Variants in ZDHHC14 observed in about 807,000 individuals in gnomAD.
ZDHHC14 encodes the protein palmitoyltransferase ZDHHC14.
ZDHHC14 carries 16 observed loss-of-function variants against 47.7 expected under a neutral mutation model. That is an observed-to-expected ratio of 0.34 (90% confidence interval 0.23 to 0.51). The LOEUF (loss-of-function observed/expected upper bound fraction) is 0.51. ZDHHC14 is among the 20% of genes least tolerant of loss of function. The pLI is 0.97. For synonymous variants in ZDHHC14, 293 were observed against 278.9 expected (o/e 1.05, Z -0.50); for missense variants, 515 against 662.5 (o/e 0.78, Z 2.44).
chr6:157,570,780 T>C (rs9406304), intron 2 of ZDHHC14, among the ~76,000 whole-genome samples: 12,733 of 150,216 alleles, frequency 0.085, 611 homozygotes, highest in African/African-American at 0.14. Context: ...CATATATATA[T>C]ACACACACAC....
At chr6:157,652,201 C>T (rs1005444909) in intron 7 of ZDHHC14, among the ~76,000 whole-genome samples, 2 of 152,032 alleles carry the variant, frequency 1.3e-5, no homozygotes, top group African/African-American at 2.4e-5. Context: ...TTGAGGATCC[C>T]GTCACAAGTG....
intron 8 of ZDHHC14, among the ~76,000 whole-genome samples, chr6:157,665,674 T>C (rs552451949): frequency 6.6e-6 from 1 of 152,330 alleles, no homozygotes; most frequent in South Asian, 2.1e-4. Context: ...AAAAATTAGA[T>C]AAATATTGAT....
intron 1 of ZDHHC14, among the ~76,000 whole-genome samples, chr6:157,394,346 A>T (rs1361408501): frequency 1.3e-5 from 2 of 152,242 alleles, no homozygotes; most frequent in African/African-American, 4.8e-5. Context: ...CCCACATATG[A>T]AGGACAGAAT....
chr6:157,584,245 T>G (rs1295549913), intron 2 of ZDHHC14, among the ~76,000 whole-genome samples: 2 of 152,018 alleles, frequency 1.3e-5, no homozygotes, highest in Non-Finnish European at 2.9e-5. Context: ...GGACTCTACT[T>G]GTTGAAGAGT....
intron 2 of ZDHHC14, among the ~76,000 whole-genome samples, chr6:157,574,980 G>A (rs1032521857): frequency 6.6e-6 from 1 of 152,226 alleles, no homozygotes; most frequent in African/African-American, 2.4e-5. Context: ...GGGCAGGGAA[G>A]AGGCGGGTTT....
chr6:157,388,683 A>G (rs1243580586), intron 1 of ZDHHC14, among the ~76,000 whole-genome samples: 2 of 152,250 alleles, frequency 1.3e-5, no homozygotes, highest in Middle Eastern at 3.2e-3. Flanking sequence ...ACTTATTTTT[A>G]TAAACTGGAT....
At chr6:157,542,849 G>A (rs555100346) in intron 2 of ZDHHC14, 104 bp downstream of exon 2, 60 of 1,389,060 alleles carry the variant, frequency 4.3e-5, no homozygotes, top group African/African-American at 1.0e-4. Context: ...TGAGCGCTGG[G>A]AAGGAAGGAG....
chr6:157,409,842 G>A (rs192853518), intron 1 of ZDHHC14, among the ~76,000 whole-genome samples: 3 of 151,616 alleles, frequency 2.0e-5, no homozygotes, highest in African/African-American at 4.8e-5. Context: ...TATTTTTTGG[G>A]GGGGGGGACA....
intron 2 of ZDHHC14, among the ~76,000 whole-genome samples, chr6:157,567,151 C>T (rs1479190530): frequency 6.6e-6 from 1 of 152,072 alleles, no homozygotes; most frequent in Non-Finnish European, 1.5e-5. Context: ...CATGCCTGGC[C>T]TAACAAGGGG....
chr6:157,390,286 C>T (rs1777396671), intron 1 of ZDHHC14, among the ~76,000 whole-genome samples: 1 of 151,974 alleles, frequency 6.6e-6, no homozygotes, highest in East Asian at 1.9e-4. Context: ...AGCATTTCCC[C>T]CCATATGTCA....
chr6:157,588,219 C>G (rs1431383978), intron 2 of ZDHHC14, among the ~76,000 whole-genome samples: 1 of 152,064 alleles, frequency 6.6e-6, no homozygotes, highest in Non-Finnish European at 1.5e-5. Flanking sequence ...CAAGATCACG[C>G]CACTGCACTC....
intron 1 of ZDHHC14, among the ~76,000 whole-genome samples, chr6:157,419,331 C>T (rs530214946): frequency 5.9e-5 from 9 of 152,264 alleles, no homozygotes; most frequent in African/African-American, 2.2e-4. Context: ...CCCATCATTA[C>T]AGTTTCATAC....
chr6:157,607,982 A>T (rs1784606219), intron 3 of ZDHHC14, among the ~76,000 whole-genome samples: 1 of 152,220 alleles, frequency 6.6e-6, no homozygotes, highest in African/African-American at 2.4e-5. Context: ...TAACAATGCG[A>T]TGTGCCATTA....
intron 3 of ZDHHC14, among the ~76,000 whole-genome samples, chr6:157,627,686 T>C (rs1785493271): frequency 6.6e-6 from 1 of 152,204 alleles, no homozygotes; most frequent in South Asian, 2.1e-4. Flanking sequence ...TGGCCTCAAG[T>C]TCTAGTTCCA....
chr6:157,462,492 G>T (rs1779113285), intron 1 of ZDHHC14, among the ~76,000 whole-genome samples: 1 of 152,026 alleles, frequency 6.6e-6, no homozygotes, highest in African/African-American at 2.4e-5. Context: ...ACCACATTAG[G>T]CAAAAAAAGT....
chr6:157,634,395 A>G (rs1035085711), intron 5 of ZDHHC14, among the ~76,000 whole-genome samples: 17 of 152,206 alleles, frequency 1.1e-4, no homozygotes, highest in African/African-American at 3.6e-4. Context: ...TACCTGTGCT[A>G]TTAGGATCAG....
At chr6:157,595,421 C>T (rs1450745019) in intron 3 of ZDHHC14, among the ~76,000 whole-genome samples, 1 of 151,880 alleles carries the variant, frequency 6.6e-6, no homozygotes, top group Non-Finnish European at 1.5e-5. Context: ...CTTGAACTGG[C>T]CTCAAGTGAT....
At chr6:157,414,197 T>G (rs1429607824) in intron 1 of ZDHHC14, among the ~76,000 whole-genome samples, 7 of 152,178 alleles carry the variant, frequency 4.6e-5, no homozygotes, top group African/African-American at 1.7e-4. Context: ...TTCCTTTGAT[T>G]ACAGGCGTGC....
At chr6:157,522,822 TCCCTCCCTCCCTCCC>T (rs1780984635) in intron 1 of ZDHHC14, among the ~76,000 whole-genome samples, 4 of 25,580 alleles carry the variant, frequency 1.6e-4, no homozygotes, top group African/African-American at 1.1e-3. Context: ...CCTCCCTCCC[TCCCTCCCTCCCTCCC>T]TTCCTTCCTT....
Sources: allele counts gnomAD v4.1 joint callset (sites outside exome capture counted in the v4.1 genomes callset), GRCh38; gene constraint gnomAD v4.1.1; transcripts MANE v1.5; gene names NCBI Gene and HGNC (gene_info 2026-07-23, HGNC 2026-07-21).